Variants in SLC25A33 observed in about 807,000 individuals in gnomAD.
The protein encoded by SLC25A33 is solute carrier family 25 member 33.
A neutral mutation model predicts 35.5 loss-of-function variants in SLC25A33; 15 were observed. The observed-to-expected ratio is 0.42, with a 90% CI of 0.28 to 0.65. The LOEUF (loss-of-function observed/expected upper bound fraction) is 0.65, where lower values mean the gene tolerates loss of function less well. Among genes scored for constraint, SLC25A33 ranks in the 30% least tolerant of loss-of-function variants. The pLI is 0.20. For missense variants in SLC25A33, 257 were observed against 398.5 expected, an observed-to-expected ratio of 0.64 and a Z score of 3.02; for synonymous variants, 136 against 148.7, an observed-to-expected ratio of 0.91 and a Z score of 0.62.
At chr1:9,577,144 T>A (rs1643671371) in intron 5 of SLC25A33, among the ~76,000 whole-genome samples, 1 of 151,830 alleles carries the variant, frequency 6.6e-6, no homozygotes, top group Non-Finnish European at 1.5e-5. Flanking sequence ...AGAAGGTGAG[T>A]GTAGAAATCT....
At position 9,578,403 on chromosome 1, in the gene SLC25A33, A is replaced by C. The variant is rs945123158; in HGVS notation, c.483-1551A>C. Among the ~76,000 whole-genome samples, 3 of 152,128 alleles carry C rather than the reference A, an allele frequency of 2.0e-5. No homozygotes were observed. Among genetic ancestry groups the C allele is most frequent in the Non-Finnish European group, 4.4e-5 (3 of 68,022 alleles). On this transcript the variant is annotated intron_variant, in intron 5 of 6. Transcript: ENST00000302692. The surrounding 1 kb of genome is among the most constrained non-coding windows in gnomAD (Gnocchi z 4.3). Reference sequence around the variant, plus strand: ...GGTCTGTGATGTGTGACCGGTGCACACCTAACTACACTCATCTGGTGGCTC... The same window carrying C: ...GGTCTGTGATGTGTGACCGGTGCACCCCTAACTACACTCATCTGGTGGCTC...
Position 9,580,146 on chromosome 1 carries a change from G to A in SLC25A33, c.675G>A (p.Gly225=). 1.2e-6 allele frequency: 2 copies of A among 1,610,042 alleles called. No homozygotes were observed. Among genetic ancestry groups the A allele is most frequent in the Non-Finnish European group, 1.7e-6 (2 of 1,178,368 alleles). The change falls in exon 6 of 7, where the codon GGG becomes GGA. Residue 225 remains glycine (G), a synonymous_variant. Transcript: ENST00000302692. ...CTCCATTAGCCTCTTCTGCAAATGG[G>A]ACTGAGAAAAATTCCACAAGTTTTT... ...KEAPLASSAN[G]TEKNSTSFFG...
In SLC25A33 at chr1:9,583,187, C is replaced by T. The variant is rs1479426941; in HGVS notation, c.*686C>T. Reference sequence around the variant, plus strand: ...GAGCTGAGATCACGTCACTTCACTCCAGCCTGGTCGACAGAGTGAGACTCC... The same window carrying T: ...GAGCTGAGATCACGTCACTTCACTCTAGCCTGGTCGACAGAGTGAGACTCC... On this transcript the variant is annotated 3_prime_UTR_variant, in exon 7 of 7. Coordinates refer to ENST00000302692, the MANE Select transcript of SLC25A33 (RefSeq NM_032315.3). 1.3e-5 allele frequency: 2 copies of T among 151,916 alleles called. No individual in the cohort carries two copies. The highest frequency in any genetic ancestry group is 2.9e-5 in the Non-Finnish European group (2 of 68,012). 9.4% of individuals were successfully genotyped at this position (151,916 alleles called of 1,614,324 possible).
rs1046561720 is a variant in SLC25A33, at chr1:9,583,955, A to G, written c.*1454A>G. ...GCTTGCAGTGAGCTGAGATGGCGCC[A>G]CTGCACTCCAGCCTGGGCCACAGAG... On this transcript the variant is annotated 3_prime_UTR_variant, in exon 7 of 7. Coordinates refer to ENST00000302692, the MANE Select transcript of SLC25A33 (RefSeq NM_032315.3). 7.3e-5 allele frequency: 11 copies of G among 151,146 alleles called. No individual in the cohort carries two copies. The highest frequency in any genetic ancestry group is 2.4e-4 in the African/African-American group (10 of 41,072). 9.4% of individuals were successfully genotyped at this position (151,146 alleles called of 1,614,324 possible). A position where few individuals can be genotyped will look rare whatever the true frequency, so the allele number is the denominator to read the frequency against.
Position 9,584,021 on chromosome 1 carries a change from AC to A in SLC25A33, c.*1525del, listed in dbSNP as rs1643777792. The A allele has an allele frequency of 6.6e-6, 1 of 151,594 alleles. No individual in the cohort carries two copies. The highest frequency in any genetic ancestry group is 1.5e-5 in the Non-Finnish European group (1 of 67,924). The allele number at this position is 151,594 out of a possible 1,614,324, so 9.4% of individuals were successfully genotyped here. A position where few individuals can be genotyped will look rare whatever the true frequency, so the allele number is the denominator to read the frequency against. On this transcript the variant is annotated 3_prime_UTR_variant, in exon 7 of 7. Coordinates refer to ENST00000302692, the MANE Select transcript of SLC25A33 (RefSeq NM_032315.3). ...AAAAAAAAAAAAAAACCAGGATGTT[AC>A]CCCCTTGGTTTTAAAGCAAATTTAA...
intron 3 of SLC25A33, among the ~76,000 whole-genome samples, chr1:9,569,094 A>T (rs1303727942): frequency 6.6e-6 from 1 of 151,606 alleles, no homozygotes; most frequent in African/African-American, 2.4e-5. Context: ...AAAATACAAA[A>T]ATTAGCCAGG....
chr1:9,573,511 T>C, intron 5 of SLC25A33, 99 bp downstream of exon 5: 1 of 961,496 alleles, frequency 1.0e-6, no homozygotes, highest in Non-Finnish European at 1.6e-6. Context: ...TATAGAGATG[T>C]ACCCCCCTCC....
intron 3 of SLC25A33, among the ~76,000 whole-genome samples, chr1:9,567,836 C>T (rs921938120): frequency 7.2e-5 from 11 of 152,322 alleles, no homozygotes; most frequent in East Asian, 5.8e-4. Context: ...CATATCTTTG[C>T]AGGGCTTCTC....
intron 5 of SLC25A33, among the ~76,000 whole-genome samples, chr1:9,575,424 G>A (rs2100409724): frequency 6.6e-6 from 1 of 151,496 alleles, no homozygotes; most frequent in African/African-American, 2.4e-5. Context: ...AGACCAGCCT[G>A]GCCAACATGG....
chr1:9,580,271 A>G (rs761960227), intron 6 of SLC25A33, 37 bp downstream of exon 6: 1 of 1,597,284 alleles, frequency 6.3e-7, no homozygotes, highest in Admixed American at 1.7e-5. Flanking sequence ...GCAGTAAAAC[A>G]GCTGTCACGT....
chr1:9,575,912 C>G (rs1049477198), intron 5 of SLC25A33, among the ~76,000 whole-genome samples: 1 of 152,232 alleles, frequency 6.6e-6, no homozygotes, highest in Admixed American at 6.5e-5. Flanking sequence ...ATTGCTCTGT[C>G]TCCCCACATA....
At chr1:9,551,964 C>T (rs1643272456) in intron 1 of SLC25A33, among the ~76,000 whole-genome samples, 1 of 152,078 alleles carries the variant, frequency 6.6e-6, no homozygotes, top group South Asian at 2.1e-4. Flanking sequence ...GCCCATCGAA[C>T]ATGTTATTTC....
At chr1:9,556,207 C>CT in intron 2 of SLC25A33, 3 of 985,360 alleles carry the variant, frequency 3.0e-6, no homozygotes, top group Non-Finnish European at 3.6e-6. Context: ...CGGGTGACAC[C>CT]TTTCTTCTAA....
intron 2 of SLC25A33, among the ~76,000 whole-genome samples, chr1:9,554,240 A>G (rs1465656374): frequency 2.0e-5 from 3 of 152,198 alleles, no homozygotes; most frequent in South Asian, 2.1e-4. Context: ...CTGGAGTGCA[A>G]TGGTGCGATC....
chr1:9,575,584 C>G (rs997879707), intron 5 of SLC25A33, among the ~76,000 whole-genome samples: 1 of 152,036 alleles, frequency 6.6e-6, no homozygotes, highest in Non-Finnish European at 1.5e-5. Context: ...CACTGCACTT[C>G]AGCATGGGTG....
chr1:9,548,805 C>T (rs983871051), intron 1 of SLC25A33, among the ~76,000 whole-genome samples: 1 of 152,122 alleles, frequency 6.6e-6, no homozygotes, highest in African/African-American at 2.4e-5. Flanking sequence ...TTGAATATGA[C>T]TTTTCCTACT....
intron 2 of SLC25A33, among the ~76,000 whole-genome samples, chr1:9,554,521 G>A (rs1375736132): frequency 1.3e-5 from 2 of 151,922 alleles, no homozygotes; most frequent in Admixed American, 1.3e-4. Flanking sequence ...CACCATGCCC[G>A]GCTAATTTTG....
At chr1:9,561,880 T>C (rs1368926468) in intron 2 of SLC25A33, among the ~76,000 whole-genome samples, 2 of 152,094 alleles carry the variant, frequency 1.3e-5, no homozygotes, top group East Asian at 3.8e-4. Flanking sequence ...ATAGGCCACT[T>C]CAGGGTGTTA....
intron 3 of SLC25A33, among the ~76,000 whole-genome samples, chr1:9,569,926 A>T (rs889538680): frequency 1.4e-4 from 21 of 152,184 alleles, no homozygotes; most frequent in African/African-American, 5.1e-4. Flanking sequence ...AAAAAAAAAA[A>T]TTAAAACTTC....
Sources: allele counts gnomAD v4.1 joint callset (sites outside exome capture counted in the v4.1 genomes callset), GRCh38; gene constraint gnomAD v4.1.1; non-coding constraint Gnocchi (gnomAD v3.1); transcripts MANE v1.5; gene names NCBI Gene and HGNC (gene_info 2026-07-23, HGNC 2026-07-21).